HECTD4: variants seen among roughly 807,000 people sequenced by gnomAD.
HECTD4 encodes probable E3 ubiquitin-protein ligase HECTD4.
HECTD4 carries 114 observed loss-of-function variants against 471.5 expected under a neutral mutation model. The ratio of observed to expected loss-of-function variants is 0.24; its 90% CI spans 0.21 to 0.28. The LOEUF is 0.28. Ranked by LOEUF, HECTD4 falls within the 10% of genes least tolerant of loss-of-function variation. The pLI, the probability that HECTD4 is intolerant of heterozygous loss-of-function variation, is 1.00. For synonymous variants in HECTD4, 2,012 were observed against 2,256.0 expected (o/e 0.89, Z 3.07); for missense variants, 3,866 against 5,651.5 (o/e 0.68, Z 10.13).
chr12:112,192,602 G>A lies in HECTD4; in HGVS notation c.9250C>T (p.Pro3084Ser), dbSNP rs1053244554. ...CTGTCTGTGGAGAGGACCACAGAGG[G>A]GTACTGGTCAGCGGTGGGGGGAGGT... ...LAPPPTADQY[P>S]SVVLSTDRVH... is the part of the protein sequence containing the mutation. Residue 3084 changes from proline (P) to serine (S), a missense_variant, in exon 59 of 76, where the codon CCC (proline) becomes TCC (serine). Coordinates refer to ENST00000682272, the MANE Select transcript of HECTD4 (RefSeq NM_001388303.1). The A allele has an allele frequency of 6.2e-7, 1 of 1,607,496 alleles. No individual in the cohort carries two copies. The highest frequency in any genetic ancestry group is 8.5e-7 in the Non-Finnish European group (1 of 1,176,980).
At chr12:112,195,128 C>G in intron 55 of HECTD4, 62 bp from the exon 56 acceptor site, 1 of 1,439,420 alleles carries the variant, frequency 6.9e-7, no homozygotes, top group East Asian at 2.5e-5. Context: ...CATACCGGGA[C>G]CAGGCCGCAG....
At chr12:112,354,830 CA>C (rs1446001472) in intron 1 of HECTD4, among the ~76,000 whole-genome samples, 3 of 152,046 alleles carry the variant, frequency 2.0e-5, no homozygotes, top group Non-Finnish European at 4.4e-5. Context: ...AATCCTAGTT[CA>C]ATTTCAAATC....
rs76780990 is a variant in HECTD4 at position 112,194,388 on chromosome 12, C to T, written c.8749+497G>A. The stretch of plus-strand genomic sequence containing the variant: ...GATGCCAGGGGAAGACAGAAAGGGC[C>T]CCTGAGTCCTGGATAGTGCTGAGGG... On this transcript the variant is annotated intron_variant, in intron 56 of 75. Coordinates refer to ENST00000682272, the MANE Select transcript of HECTD4 (RefSeq NM_001388303.1). This position sits in a 1 kb window ranked among gnomAD's most constrained non-coding sequence, Gnocchi z 4.6. Among the ~76,000 whole-genome samples the T allele has an allele frequency of 1.3e-5, 2 of 152,142 alleles. No homozygotes were observed. Among genetic ancestry groups the T allele is most frequent in the African/African-American group, 4.8e-5 (2 of 41,426 alleles).
intron 4 of HECTD4, among the ~76,000 whole-genome samples, chr12:112,312,744 A>G (rs1830876406): frequency 6.6e-6 from 1 of 152,196 alleles, no homozygotes; most frequent in Non-Finnish European, 1.5e-5. Context: ...TCAAATATCC[A>G]GCAGCCAATT....
rs1486189158 is a variant in HECTD4, at chr12:112,381,465, C to T, written c.177+487G>A. Among the ~76,000 whole-genome samples the T allele has an allele frequency of 6.6e-6, 1 of 152,152 alleles. No individual in the cohort carries two copies. Among genetic ancestry groups the T allele is most frequent in the Non-Finnish European group, 1.5e-5 (1 of 68,038 alleles). On this transcript the variant is annotated intron_variant, in intron 1 of 75. Transcript: ENST00000682272. The surrounding 1 kb of genome is among the most constrained non-coding windows in gnomAD (Gnocchi z 4.1). ...GGACCCGCAGCTGCCACTACCCTCT[C>T]CCGGAAAAAAACCAAACCAAACCAA...
At chr12:112,250,950 C>G (rs1383388284) in intron 24 of HECTD4, 21 bp downstream of exon 24, 2 of 1,593,402 alleles carry the variant, frequency 1.3e-6, no homozygotes, top group Admixed American at 3.6e-5. Context: ...AACACTAGCT[C>G]AATTTCAACC....
At chr12:112,280,397 A>C (rs1229519549) in intron 8 of HECTD4, among the ~76,000 whole-genome samples, 1 of 152,190 alleles carries the variant, frequency 6.6e-6, no homozygotes. Flanking sequence ...TGATTATGTC[A>C]ACAGAGAATC....
Position 112,179,500 on chromosome 12 carries a change from T to A in HECTD4, c.10988-103A>T. The A allele has an allele frequency of 1.0e-6, 1 of 997,244 alleles. No individual in the cohort carries two copies. The allele number at this position is 997,244 out of a possible 1,614,324, so 61.8% of individuals were successfully genotyped here. On this transcript the variant is annotated intron_variant, in intron 62 of 75. Coordinates refer to ENST00000682272, the MANE Select transcript of HECTD4 (RefSeq NM_001388303.1). This position sits in a 1 kb window ranked among gnomAD's most constrained non-coding sequence, Gnocchi z 4.3. ...AACACTGTTTGAAAGGGGCAGTGGA[T>A]GGACATTAGTGGAAGGAAGAGCTGC...
intron 16 of HECTD4, among the ~76,000 whole-genome samples, chr12:112,264,605 G>GA (rs994753914): frequency 7.2e-5 from 11 of 151,916 alleles, no homozygotes; most frequent in Admixed American, 7.2e-4. Flanking sequence ...AATTAATAGG[G>GA]AAAAAACACT....
At chr12:112,266,183 C>A (rs1425161773) in intron 14 of HECTD4, among the ~76,000 whole-genome samples, 200 bp from the exon 15 acceptor site, 1 of 152,180 alleles carries the variant, frequency 6.6e-6, no homozygotes, top group Non-Finnish European at 1.5e-5. Context: ...AGTGTAATTA[C>A]CCTCTTGATA....
chr12:112,358,128 T>C (rs935069089), intron 1 of HECTD4, among the ~76,000 whole-genome samples: 2 of 152,096 alleles, frequency 1.3e-5, no homozygotes, highest in African/African-American at 4.8e-5. Flanking sequence ...TGCTTGAACC[T>C]GGGAGGCGTA....
At chr12:112,350,381 A>T (rs966064945) in intron 1 of HECTD4, among the ~76,000 whole-genome samples, 1 of 152,242 alleles carries the variant, frequency 6.6e-6, no homozygotes, top group East Asian at 1.9e-4. Context: ...ATCAGAAATA[A>T]TATTATTTTG....
rs4767615 is a variant in HECTD4 at position 112,287,344 on chromosome 12, A to G, written c.1336-4042T>C. ...GGCTACCCAGATACGGCAATATAGT[A>G]TAGGCTCTCAATTAATACAGAATGA... is the stretch of plus-strand genomic sequence containing the variant. On this transcript the variant is annotated intron_variant, in intron 7 of 75. Coordinates refer to ENST00000682272, the MANE Select transcript of HECTD4 (RefSeq NM_001388303.1). 0.056 allele frequency among the ~76,000 whole-genome samples: 8,470 copies of G among 152,264 alleles called. 1,293 individuals are homozygous for G. In the East Asian group the frequency reaches 0.61, roughly 11 times the overall value.
chr12:112,296,639 G>A (rs1314162690), intron 7 of HECTD4, among the ~76,000 whole-genome samples: 1 of 151,488 alleles, frequency 6.6e-6, no homozygotes, highest in African/African-American at 2.4e-5. Flanking sequence ...TGCAAAGGGT[G>A]TGAGTACAGT....
chr12:112,262,577 GA>G (rs1278593940), intron 17 of HECTD4, among the ~76,000 whole-genome samples: 1 of 97,590 alleles, frequency 1.0e-5, no homozygotes, highest in Non-Finnish European at 2.1e-5. Context: ...CCTTCAAATA[GA>G]AAAAACTTTC....
intron 1 of HECTD4, among the ~76,000 whole-genome samples, chr12:112,350,842 GGT>G (rs956557611): frequency 1.3e-5 from 2 of 152,154 alleles, no homozygotes; most frequent in African/African-American, 4.8e-5. Context: ...CCTGGTTACT[GGT>G]GTCAGTGACA....
rs58061315 is a variant in HECTD4 at position 112,328,110 on chromosome 12, C to CTATTTATTTATT, written c.178-8380_178-8369dup. Among the ~76,000 whole-genome samples the CTATTTATTTATT allele has an allele frequency of 5.1e-3, 746 of 145,796 alleles. 19 individuals are homozygous for CTATTTATTTATT. In the East Asian group the frequency reaches 0.064, roughly 13 times the overall value. On this transcript the variant is annotated intron_variant, in intron 1 of 75. Transcript: ENST00000682272. ...CTAGACTTGCAACCTCAATGTAAAA[C>CTATTTATTTATT]TATTTATTTATTTATTTATTTATTT...
At chr12:112,227,280 C>T (rs1170446740) in intron 43 of HECTD4, among the ~76,000 whole-genome samples, 13 of 151,954 alleles carry the variant, frequency 8.6e-5, no homozygotes, top group Admixed American at 3.9e-4. Context: ...GCCAACATGG[C>T]GAGACCCCAT....
chr12:112,281,320 C>T (rs763326656), intron 8 of HECTD4, among the ~76,000 whole-genome samples: 13 of 151,892 alleles, frequency 8.6e-5, no homozygotes, highest in Admixed American at 2.0e-4. Flanking sequence ...TACAGATACC[C>T]GTTTCTACCA....
Sources: gnomAD v4.1 joint callset for allele counts (sites outside exome capture counted in the v4.1 genomes callset) on GRCh38, gnomAD v4.1.1 for gene constraint, Gnocchi (gnomAD v3.1) non-coding constraint, MANE v1.5 for transcripts, NCBI Gene and HGNC (gene_info 2026-07-23, HGNC 2026-07-21) for gene names.